The following NTM variants were observed in gnomAD, a reference collection of about 807,000 sequenced individuals.
The protein encoded by NTM is IgLON family member 2.
NTM carries 13 observed loss-of-function variants against 42.1 expected under a neutral mutation model. The ratio of observed to expected loss-of-function variants is 0.31; its 90% CI spans 0.20 to 0.49. The LOEUF (loss-of-function observed/expected upper bound fraction) is 0.49, where lower values mean the gene tolerates loss of function less well. NTM is among the 20% of genes least tolerant of loss of function. The pLI, the probability that NTM is intolerant of heterozygous loss-of-function variation, is 0.99. For synonymous variants in NTM, 187 were observed against 179.2 expected (o/e 1.04, Z -0.35); for missense variants, 373 against 452.8 (o/e 0.82, Z 1.60).
Position 131,617,977 on chromosome 11 carries a change from C to T in NTM, c.82+247089C>T, listed in dbSNP as rs568879861. 5.3e-5 allele frequency among the ~76,000 whole-genome samples: 8 copies of T among 152,238 alleles called. No homozygotes were observed. The South Asian group carries it at 1.0e-3, about 20-fold the overall frequency. On this transcript the variant is annotated intron_variant, in intron 1 of 8. Transcript: ENST00000683400. ...AGAACCAGAGCCTCTGGGCCAGCGC[C>T]GGGCTACTCTGATGTGGCCTGGGCT...
intron 2 of NTM, among the ~76,000 whole-genome samples, chr11:131,997,220 G>A (rs2068224110): frequency 1.3e-5 from 2 of 152,178 alleles, no homozygotes; most frequent in Non-Finnish European, 2.9e-5. Flanking sequence ...GAGTGGCTTT[G>A]CAGAAACTCA....
intron 1 of NTM, among the ~76,000 whole-genome samples, chr11:131,548,991 T>C (rs2054299508): frequency 1.3e-5 from 2 of 152,200 alleles, no homozygotes; most frequent in South Asian, 2.1e-4. Flanking sequence ...CCTTATTTTA[T>C]GTAGGGTGTT....
At chr11:131,839,207 C>G (rs1410466920) in intron 1 of NTM, among the ~76,000 whole-genome samples, 3 of 151,964 alleles carry the variant, frequency 2.0e-5, no homozygotes, top group African/African-American at 7.3e-5. Flanking sequence ...GGTGATCCGC[C>G]CGCCTCGGCC....
chr11:131,891,150 C>T (rs989451988), intron 1 of NTM, among the ~76,000 whole-genome samples: 1 of 152,142 alleles, frequency 6.6e-6, no homozygotes, highest in Admixed American at 6.5e-5. Flanking sequence ...ACAAGCTAAT[C>T]CCTTGTAGGG....
intron 2 of NTM, among the ~76,000 whole-genome samples, chr11:132,099,119 A>T (rs917532136): frequency 7.4e-6 from 1 of 134,888 alleles, no homozygotes; most frequent in Non-Finnish European, 1.6e-5. Flanking sequence ...GTGTTATCAA[A>T]ACTGAAATTG....
chr11:132,230,804 A>G (rs972376224), intron 4 of NTM, among the ~76,000 whole-genome samples: 8 of 152,202 alleles, frequency 5.3e-5, no homozygotes, highest in Admixed American at 3.3e-4. Context: ...GAGGAGGCTC[A>G]CAAGCCCAGG....
At chr11:132,122,971 T>C (rs1053731269) in intron 2 of NTM, among the ~76,000 whole-genome samples, 1 of 152,172 alleles carries the variant, frequency 6.6e-6, no homozygotes, top group African/African-American at 2.4e-5. Flanking sequence ...TGGACTCTAG[T>C]TGTTCTCCTT....
chr11:132,076,955 G>A (rs537954719), intron 2 of NTM, among the ~76,000 whole-genome samples: 4 of 152,176 alleles, frequency 2.6e-5, no homozygotes, highest in East Asian at 1.9e-4. Flanking sequence ...ATCTTTAAAC[G>A]GGATTGTGTG....
chr11:131,949,830 A>G (rs2060780261), intron 2 of NTM, among the ~76,000 whole-genome samples: 1 of 152,136 alleles, frequency 6.6e-6, no homozygotes, highest in Non-Finnish European at 1.5e-5. Context: ...TGTTGGATGG[A>G]CATTTCCTCT....
chr11:131,700,881 C>T (rs1336162855), intron 1 of NTM, among the ~76,000 whole-genome samples: 2 of 152,172 alleles, frequency 1.3e-5, no homozygotes, highest in Non-Finnish European at 2.9e-5. Context: ...GGAGAAGTAG[C>T]ATCATGTAGT....
At chr11:131,924,193 T>A (rs1488462600) in intron 2 of NTM, among the ~76,000 whole-genome samples, 1 of 152,126 alleles carries the variant, frequency 6.6e-6, no homozygotes, top group African/African-American at 2.4e-5. Flanking sequence ...TACACAGACA[T>A]CTGGTGGTGG....
chr11:131,557,533 A>G (rs2055607505), intron 1 of NTM, among the ~76,000 whole-genome samples: 1 of 152,184 alleles, frequency 6.6e-6, no homozygotes, highest in African/African-American at 2.4e-5. Flanking sequence ...CTGGAAGTCT[A>G]GGTTCCTGGG....
intron 2 of NTM, among the ~76,000 whole-genome samples, chr11:132,108,684 A>T (rs947369693): frequency 2.6e-5 from 4 of 152,168 alleles, no homozygotes; most frequent in Non-Finnish European, 1.5e-5. Context: ...ATTGAAATAA[A>T]AAATTTAAAA....
At chr11:131,877,535 C>G (rs565546079) in intron 1 of NTM, 3 of 152,196 alleles carry the variant, frequency 2.0e-5, no homozygotes, top group Non-Finnish European at 2.9e-5. Context: ...GTATCTCCCC[C>G]ACCCCTATTC....
At chr11:131,451,833 GCA>G (rs775540439) in intron 1 of NTM, among the ~76,000 whole-genome samples, 5 of 152,070 alleles carry the variant, frequency 3.3e-5, no homozygotes, top group Admixed American at 6.5e-5. Context: ...GTGAGGAGGA[GCA>G]CACACAGTGG....
In NTM at chr11:131,601,774, T is replaced by A. The variant is rs116944920; in HGVS notation, c.82+230886T>A. Reference sequence around the variant, plus strand: ...AGAGAGAATGGCTTTTCTGTCCTCATTTTTACTCCTGTTTATTTAGTCATC... The same window carrying A: ...AGAGAGAATGGCTTTTCTGTCCTCAATTTTACTCCTGTTTATTTAGTCATC... On this transcript the variant is annotated intron_variant, in intron 1 of 8. Coordinates refer to ENST00000683400, the MANE Select transcript of NTM (RefSeq NM_001352005.2). Among the ~76,000 whole-genome samples the A allele has an allele frequency of 6.9e-3, 1,056 of 152,326 alleles. 3 individuals carry two copies. Among genetic ancestry groups the A allele is most frequent in the Non-Finnish European group, 0.011 (730 of 68,022 alleles).
chr11:131,505,447 C>A (rs890320221), intron 1 of NTM, among the ~76,000 whole-genome samples: 1 of 152,212 alleles, frequency 6.6e-6, no homozygotes, highest in African/African-American at 2.4e-5. Context: ...CAGTCTCCAT[C>A]ACCAAGCGTT....
chr11:131,502,551 G>A (rs1269198195), intron 1 of NTM, among the ~76,000 whole-genome samples: 1 of 152,142 alleles, frequency 6.6e-6, no homozygotes, highest in Non-Finnish European at 1.5e-5. Context: ...AAGTTGACGA[G>A]GGGTGCAAGA....
chr11:131,543,071 G>T (rs577085340), intron 1 of NTM, among the ~76,000 whole-genome samples: 1 of 152,308 alleles, frequency 6.6e-6, no homozygotes, highest in African/African-American at 2.4e-5. Context: ...GGATGAACAC[G>T]TGACTTCTCT....
Sources: allele counts gnomAD v4.1 joint callset (sites outside exome capture counted in the v4.1 genomes callset), GRCh38; gene constraint gnomAD v4.1.1; transcripts MANE v1.5; gene names NCBI Gene and HGNC (gene_info 2026-07-23, HGNC 2026-07-21).